The following ZNF469 variants were observed in gnomAD, a reference collection of about 807,000 sequenced individuals.
The protein encoded by ZNF469 is zinc finger protein 469.
Under a neutral mutation model 1.0 loss-of-function variants are expected in ZNF469, and 1 was observed. The observed-to-expected ratio is 1.00, with a 90% CI of 0.35 to 4.73. ZNF469 has a LOEUF of 4.73. ZNF469 is among the 30% of genes most tolerant of loss of function. The probability of loss-of-function intolerance (pLI) is 0.16; values close to 1 mark genes in which losing one functional copy is unlikely to be tolerated. For synonymous variants in ZNF469, 2,703 were observed against 2,363.4 expected, an observed-to-expected ratio of 1.14 and a Z score of -4.17; for missense variants, 6,100 against 5,356.3, an observed-to-expected ratio of 1.14 and a Z score of -4.33.
At chr16:88,133,310 A>G in the ZNF469 span, among the ~76,000 whole-genome samples, 3,200 of 150,030 alleles carry the variant, frequency 0.021, no homozygotes, top group African/African-American at 0.075. Flanking sequence ...GATCCCGCAC[A>G]TTCCCAGCGC....
chr16:88,336,941 G>T, the ZNF469 span, among the ~76,000 whole-genome samples: 1 of 152,192 alleles, frequency 6.6e-6, no homozygotes, highest in African/African-American at 2.4e-5. Context: ...GCAGAATCAT[G>T]CTGTGTTTGC....
the ZNF469 span, among the ~76,000 whole-genome samples, chr16:88,336,730 G>A: frequency 1.2e-4 from 19 of 152,294 alleles, 1 homozygote; most frequent in East Asian, 3.9e-4. Context: ...CCAATACCAC[G>A]CAGACTCATC....
chr16:88,259,966 T>C, the ZNF469 span, among the ~76,000 whole-genome samples: 6 of 151,624 alleles, frequency 4.0e-5, no homozygotes, highest in African/African-American at 1.5e-4. The surrounding 1 kb of genome is among the most constrained non-coding windows in gnomAD (Gnocchi z 4.1). Context: ...AAAAAGTCAC[T>C]TTTTTTTTGT....
Position 88,428,110 on chromosome 16 carries a change from A to C in ZNF469, c.640A>C (p.Arg214=), listed in dbSNP as rs1195603928. The part of the protein sequence containing the change: ...RPPAPGPPQS[R]GTSPLQPGSY... The stretch of plus-strand genomic sequence containing the variant: ...CCCAGCCCCGGGGCCCCCCCAGAGC[A>C]GGGGCACCAGCCCCCTCCAGCCCGG... Residue 214 remains arginine, a synonymous_variant, in exon 3 of 3, where the codon AGG becomes CGG. Coordinates refer to ENST00000565624, the MANE Select transcript of ZNF469 (RefSeq NM_001367624.2). The C allele has an allele frequency of 3.2e-6, 5 of 1,549,594 alleles. No homozygotes were observed. Among genetic ancestry groups the C allele is most frequent in the Non-Finnish European group, 4.4e-6 (5 of 1,146,554 alleles).
At chr16:88,238,169 G>A in the ZNF469 span, among the ~76,000 whole-genome samples, 10 of 152,296 alleles carry the variant, frequency 6.6e-5, no homozygotes, top group East Asian at 1.5e-3. Context: ...GAGCTCTGAC[G>A]GGGAGGGGGA....
the ZNF469 span, among the ~76,000 whole-genome samples, chr16:88,131,713 A>ACCTGG: frequency 6.6e-6 from 1 of 152,188 alleles, no homozygotes; most frequent in Non-Finnish European, 1.5e-5. Context: ...GCAGGGGCTG[A>ACCTGG]CCTGGCCACA....
At chr16:88,115,121 G>A in the ZNF469 span, among the ~76,000 whole-genome samples, 20 of 152,258 alleles carry the variant, frequency 1.3e-4, no homozygotes, top group Middle Eastern at 6.8e-3. Context: ...CATGCTGCCT[G>A]GTCTGTGCCG....
At chr16:88,398,403 C>T (rs916273907) in intron 1 of ZNF469, among the ~76,000 whole-genome samples, 2 of 123,094 alleles carry the variant, frequency 1.6e-5, no homozygotes, top group African/African-American at 6.5e-5. Context: ...GACATGTGAG[C>T]CACAGATGAA....
chr16:88,156,822 C>T, the ZNF469 span, among the ~76,000 whole-genome samples: 1 of 151,964 alleles, frequency 6.6e-6, no homozygotes, highest in African/African-American at 2.4e-5. Context: ...GGCTTCACCA[C>T]TCCCAGCCCT....
chr16:88,112,235 C>G, the ZNF469 span, among the ~76,000 whole-genome samples: 1 of 152,222 alleles, frequency 6.6e-6, no homozygotes, highest in African/African-American at 2.4e-5. Context: ...GTCAGGAGTT[C>G]CAGTAAACAC....
At chr16:88,116,635 T>C in the ZNF469 span, among the ~76,000 whole-genome samples, 1 of 152,212 alleles carries the variant, frequency 6.6e-6, no homozygotes, top group Non-Finnish European at 1.5e-5. Context: ...CACGGAACGC[T>C]ACTCAGCCGT....
At chr16:88,156,604 T>A in the ZNF469 span, among the ~76,000 whole-genome samples, 2 of 152,246 alleles carry the variant, frequency 1.3e-5, no homozygotes, top group Admixed American at 1.3e-4. Flanking sequence ...AATACCTGCA[T>A]CATATTGCTA....
intron 1 of ZNF469, among the ~76,000 whole-genome samples, chr16:88,396,725 G>A (rs1904681504): frequency 6.7e-6 from 1 of 149,644 alleles, no homozygotes; most frequent in African/African-American, 2.5e-5. Context: ...CCTGAAGGGA[G>A]GCCGGGAGGA....
chr16:88,369,318 A>T, the ZNF469 span, among the ~76,000 whole-genome samples: 3 of 152,228 alleles, frequency 2.0e-5, no homozygotes, highest in African/African-American at 7.2e-5. Flanking sequence ...AAATAAATGC[A>T]AATGACATGC....
chr16:88,134,947 A>G, the ZNF469 span, among the ~76,000 whole-genome samples: 2 of 152,168 alleles, frequency 1.3e-5, no homozygotes, highest in African/African-American at 4.8e-5. Flanking sequence ...TAACTGATTC[A>G]TTTCATCAGA....
the ZNF469 span, among the ~76,000 whole-genome samples, chr16:88,293,377 A>G: frequency 2.0e-5 from 3 of 151,786 alleles, no homozygotes; most frequent in Admixed American, 6.6e-5. Flanking sequence ...TGGTGGATGA[A>G]TGGATAGTTA....
At chr16:88,294,357 C>T in the ZNF469 span, among the ~76,000 whole-genome samples, 1 of 152,196 alleles carries the variant, frequency 6.6e-6, no homozygotes, top group South Asian at 2.1e-4. Context: ...TACTTCCTTC[C>T]ACAAATACCT....
the ZNF469 span, among the ~76,000 whole-genome samples, chr16:88,305,392 G>GCACA: frequency 1.2e-5 from 1 of 84,284 alleles, no homozygotes; most frequent in Non-Finnish European, 2.4e-5. Context: ...ACCCTCACAT[G>GCACA]TGCACACACA....
chr16:88,401,426 G>C (rs1358075037), intron 1 of ZNF469, among the ~76,000 whole-genome samples: 1 of 152,170 alleles, frequency 6.6e-6, no homozygotes, highest in Non-Finnish European at 1.5e-5. Flanking sequence ...CCTGATGATG[G>C]ACAGATGGAT....
Sources: gnomAD v4.1 joint callset for allele counts (sites outside exome capture counted in the v4.1 genomes callset) on GRCh38, gnomAD v4.1.1 for gene constraint, Gnocchi (gnomAD v3.1) non-coding constraint, MANE v1.5 for transcripts, NCBI Gene and HGNC (gene_info 2026-07-23, HGNC 2026-07-21) for gene names.